GALNS: variants seen among roughly 807,000 people sequenced by gnomAD.
GALNS encodes the protein galactosamine (N-acetyl)-6-sulfatase.
In GALNS, 65 loss-of-function variants were observed where a neutral mutation model predicts 65.9. The observed-to-expected ratio is 0.99, with a 90% CI of 0.81 to 1.21. GALNS has a LOEUF of 1.21. GALNS is among the 50% of genes most tolerant of loss of function. The probability of loss-of-function intolerance (pLI) is 0.00; values close to 1 mark genes in which losing one functional copy is unlikely to be tolerated. For synonymous variants in GALNS, 346 were observed against 288.9 expected, an observed-to-expected ratio of 1.20 and a Z score of -2.00; for missense variants, 776 against 700.7, an observed-to-expected ratio of 1.11 and a Z score of -1.21.
chr16:88,853,422 A>G (rs1000226453), intron 1 of GALNS, among the ~76,000 whole-genome samples: 1 of 152,162 alleles, frequency 6.6e-6, no homozygotes, highest in Admixed American at 6.5e-5. Flanking sequence ...CGAGCAGGCC[A>G]GTGCTTGTCT....
chr16:88,815,822 G>A (rs1909562444), intron 13 of GALNS: 2 of 985,228 alleles, frequency 2.0e-6, no homozygotes, highest in East Asian at 1.1e-4. Context: ...AAACTCCAGG[G>A]GCAGCAGAGG....
chr16:88,843,408 G>A (rs1187207508), intron 1 of GALNS: 4 of 375,600 alleles, frequency 1.1e-5, no homozygotes, highest in African/African-American at 4.3e-5. Flanking sequence ...CGACTCAGTG[G>A]CCAAAAGGCA....
At chr16:88,855,026 TGCAC>T in intron 1 of GALNS, 1 of 351,546 alleles carries the variant, frequency 2.8e-6, no homozygotes, top group South Asian at 2.2e-5. Flanking sequence ...CCCTCCACCC[TGCAC>T]GGCCTGAACC....
chr16:88,821,715 A>G (rs1324376479), intron 12 of GALNS, among the ~76,000 whole-genome samples: 1 of 151,928 alleles, frequency 6.6e-6, no homozygotes, highest in East Asian at 1.9e-4. Flanking sequence ...GCTGCCTCCC[A>G]CCGGCCCTAC....
At chr16:88,852,758 A>AT (rs1396936906) in intron 1 of GALNS, among the ~76,000 whole-genome samples, 3 of 152,358 alleles carry the variant, frequency 2.0e-5, no homozygotes, top group African/African-American at 4.8e-5. Context: ...TCAGTAGCCG[A>AT]TTCGATCTAG....
chr16:88,836,352 G>T, intron 5 of GALNS, 85 bp from the exon 6 acceptor site: 1 of 1,128,130 alleles, frequency 8.9e-7, no homozygotes. Context: ...AAAGCCATGG[G>T]CTTCATTTAA....
chr16:88,822,827 T>G, intron 11 of GALNS, 117 bp from the exon 12 acceptor site: 2 of 1,465,106 alleles, frequency 1.4e-6, no homozygotes, highest in Non-Finnish European at 1.8e-6. Context: ...TGTCTGCCTG[T>G]GTCCTGGAGC....
chr16:88,843,300 C>G (rs933005644), intron 1 of GALNS: 2 of 999,040 alleles, frequency 2.0e-6, no homozygotes, highest in Non-Finnish European at 2.7e-6. Flanking sequence ...ATCGTGTGAC[C>G]CTGCAGTTCC....
intron 2 of GALNS, chr16:88,842,378 G>C: frequency 1.9e-6 from 1 of 519,222 alleles, no homozygotes; most frequent in East Asian, 3.5e-5. Context: ...GAGGGAGTGG[G>C]ACTCCTGCTT....
intron 11 of GALNS, 35 bp downstream of exon 11, chr16:88,824,731 GC>G: frequency 6.4e-7 from 1 of 1,567,018 alleles, no homozygotes; most frequent in Non-Finnish European, 8.8e-7. Flanking sequence ...AGAGATGGGG[GC>G]AGCTCCGCCT....
intron 1 of GALNS, among the ~76,000 whole-genome samples, chr16:88,849,722 C>T (rs1020181577): frequency 6.6e-6 from 1 of 152,136 alleles, no homozygotes; most frequent in Non-Finnish European, 1.5e-5. Flanking sequence ...CCACGCCCAG[C>T]CCTGAGATGG....
Position 88,840,772 on chromosome 16 carries a change from C to G in GALNS, c.422+220G>C, listed in dbSNP as rs1966927920. ...CTGCGGAGTCTGATGCCGCAGGATA[C>G]TCGCGGCCGTGGGACCAGCCTGGTG... is the stretch of plus-strand genomic sequence containing the variant. On this transcript the variant is annotated intron_variant, in intron 4 of 13. Transcript: ENST00000268695. 5 of 590,896 alleles carry G rather than the reference C, an allele frequency of 8.5e-6. No individual in the cohort carries two copies. In the East Asian group the frequency reaches 8.8e-5, roughly 10 times the overall value. The allele number at this position is 590,896 out of a possible 1,614,324, so 36.6% of individuals were successfully genotyped here.
chr16:88,816,656 C>T (rs957231539), intron 13 of GALNS: 12 of 985,372 alleles, frequency 1.2e-5, no homozygotes, highest in Middle Eastern at 5.2e-4. Flanking sequence ...TCCCGATGGC[C>T]GGTGCTCTCC....
chr16:88,850,150 C>T (rs887719455), intron 1 of GALNS, among the ~76,000 whole-genome samples: 1 of 152,236 alleles, frequency 6.6e-6, no homozygotes, highest in African/African-American at 2.4e-5. Context: ...GGCAGGTGGG[C>T]CGGGGGCACA....
At chr16:88,824,720 T>C (rs1910623504) in intron 11 of GALNS, 47 bp downstream of exon 11, 4 of 1,523,350 alleles carry the variant, frequency 2.6e-6, no homozygotes, top group Non-Finnish European at 3.6e-6. Context: ...CACGTCTGGA[T>C]AGAGATGGGG....
In GALNS at chr16:88,817,115, A is replaced by C. The variant is rs559530751; in HGVS notation, c.1482+892T>G. ...TGGGACCCACATCAGCTGTGCTGGG[A>C]AACAGGCCTTTGCGGCCACTGCACA... On this transcript the variant is annotated intron_variant, in intron 13 of 13. Transcript: ENST00000268695. 5.1e-6 allele frequency: 5 copies of C among 985,410 alleles called. No homozygotes were observed. The South Asian group carries it at 2.3e-4, about 46-fold the overall frequency. 61.0% of individuals were successfully genotyped at this position (985,410 alleles called of 1,614,324 possible).
At chr16:88,815,547 A>G (rs1194027720) in intron 13 of GALNS, 1 of 985,328 alleles carries the variant, frequency 1.0e-6, no homozygotes, top group Admixed American at 6.1e-5. Context: ...TGGCAACAGA[A>G]AGGGAGACTT....
At chr16:88,849,433 C>A (rs1967405257) in intron 1 of GALNS, among the ~76,000 whole-genome samples, 1 of 152,142 alleles carries the variant, frequency 6.6e-6, no homozygotes, top group South Asian at 2.1e-4. Flanking sequence ...TATAGGCACC[C>A]ACCACCAAGC....
intron 1 of GALNS, chr16:88,843,043 G>T: frequency 6.6e-7 from 1 of 1,522,814 alleles, no homozygotes; most frequent in African/African-American, 1.4e-5. Context: ...AGCATCGCCT[G>T]CGTGCGTGCA....
Sources: gnomAD v4.1 joint callset for allele counts (sites outside exome capture counted in the v4.1 genomes callset) on GRCh38, gnomAD v4.1.1 for gene constraint, MANE v1.5 for transcripts, NCBI Gene and HGNC (gene_info 2026-07-23, HGNC 2026-07-21) for gene names.